CPSF4L: variants seen among roughly 807,000 people sequenced by gnomAD.
The protein encoded by CPSF4L is cleavage and polyadenylation specific factor 4 like.
CPSF4L carries 18 observed loss-of-function variants against 24.0 expected under a neutral mutation model. The observed-to-expected ratio is 0.75, with a 90% CI of 0.52 to 1.11. The LOEUF is 1.11. Among genes scored for constraint, CPSF4L ranks in the 50% least tolerant of loss-of-function variants. CPSF4L has a pLI of 0.00. For synonymous variants in CPSF4L, 72 were observed against 77.2 expected (o/e 0.93, Z 0.35); for missense variants, 211 against 221.8 (o/e 0.95, Z 0.31).
the CPSF4L span, among the ~76,000 whole-genome samples, chr17:73,242,737 G>T: frequency 6.6e-6 from 1 of 152,204 alleles, no homozygotes; most frequent in Non-Finnish European, 1.5e-5. Flanking sequence ...GTCAAGTTAA[G>T]GTTCTTTGAT....
intron 2 of CPSF4L, 23 bp from the exon 3 acceptor site, chr17:73,257,856 C>G: frequency 1.3e-6 from 2 of 1,550,188 alleles, no homozygotes; most frequent in Non-Finnish European, 1.7e-6. Context: ...GAGCACCTGG[C>G]TGGGAGGCCC....
At chr17:73,257,627 C>T in intron 3 of CPSF4L, 54 bp downstream of exon 3, 1 of 1,536,330 alleles carries the variant, frequency 6.5e-7, no homozygotes. Context: ...TCCCATCTCA[C>T]AGCCCACACT....
downstream of CPSF4L, among the ~76,000 whole-genome samples, chr17:73,246,219 T>C (rs2061948498): frequency 6.6e-6 from 1 of 152,192 alleles, no homozygotes; most frequent in Non-Finnish European, 1.5e-5. Context: ...GGTCAGTTCC[T>C]CTTATGTCCC....
At chr17:73,250,319 G>A (rs1599410113) in intron 5 of CPSF4L, 1 of 1,550,438 alleles carries the variant, frequency 6.4e-7, no homozygotes, top group Non-Finnish European at 8.7e-7. Flanking sequence ...AACAGAAAAA[G>A]TGAATGGCAT....
At chr17:73,262,651 A>G (rs1340684107), upstream of CPSF4L, among the ~76,000 whole-genome samples, 1 of 152,214 alleles carries the variant, frequency 6.6e-6, no homozygotes, top group East Asian at 1.9e-4. Flanking sequence ...GGGACATCTG[A>G]CAATGCTTTC....
downstream of CPSF4L, chr17:73,247,259 T>C (rs750409118): frequency 6.2e-7 from 1 of 1,614,228 alleles, no homozygotes; most frequent in Admixed American, 1.7e-5. Flanking sequence ...TGCCGACCCC[T>C]GCCCTGGAAG....
In CPSF4L at chr17:73,252,716, C is replaced by A. The variant is rs1454675148; in HGVS notation, c.411G>T (p.Leu137=). ...TTCTGGGGACATGGCGGTATTTACACAGAGGACCTGCTGAGCAAAGAGAAA... is the reference window on the plus strand; with the variant it reads ...TTCTGGGGACATGGCGGTATTTACAAAGAGGACCTGCTGAGCAAAGAGAAA... The part of the protein sequence containing the change: ...YDQGFCKDGP[L]CKYRHVPRIM... Residue 137 remains leucine (L), a synonymous_variant, in exon 5 of 6, where the codon CTG becomes CTT. Coordinates refer to ENST00000344935, the MANE Select transcript of CPSF4L (RefSeq NM_001129885.1). 1 of 1,549,540 alleles carries A rather than the reference C, an allele frequency of 6.5e-7. No homozygotes were observed. The highest frequency in any genetic ancestry group is 8.7e-7 in the Non-Finnish European group (1 of 1,145,632).
Position 73,257,754 on chromosome 17 carries a change from C to G in CPSF4L, c.234G>C (p.Lys78Asn). The G allele has an allele frequency of 6.4e-7, 1 of 1,551,708 alleles. No homozygotes were observed. The highest frequency in any genetic ancestry group is 8.7e-7 in the Non-Finnish European group (1 of 1,146,996). The change falls in exon 3 of 6, where the codon AAG becomes AAC. Residue 78 changes from lysine (K) to asparagine (N), a missense_variant. By Grantham distance (94) the Lys-to-Asn change is moderately conservative. Transcript: ENST00000344935. ...GGTGCAGGAACTTGCAGTGATCACC[C>G]TTCTTGCAGAGCCCCCGGAGCCAGT... Reference protein sequence around the residue: ...CKHWLRGLCKKGDHCKFLHQY... With the variant: ...CKHWLRGLCKNGDHCKFLHQY...
chr17:73,242,223 G>T, the CPSF4L span: 2 of 1,501,164 alleles, frequency 1.3e-6, no homozygotes, highest in South Asian at 2.4e-5. Flanking sequence ...CAATGACAGT[G>T]ACTTCTGTTT....
At chr17:73,245,381 A>G (rs2061936358), downstream of CPSF4L, 23 of 1,288,634 alleles carry the variant, frequency 1.8e-5, no homozygotes, top group South Asian at 2.4e-5. Flanking sequence ...TAATATAGAC[A>G]GATCTGGTTC....
intron 3 of CPSF4L, among the ~76,000 whole-genome samples, chr17:73,256,480 A>G (rs1347594432): frequency 2.0e-5 from 3 of 152,170 alleles, no homozygotes; most frequent in Admixed American, 2.0e-4. Context: ...CTGCAGCCAC[A>G]TTTGGAAGCC....
At chr17:73,262,042 C>T (rs1240361637), upstream of CPSF4L, 2 of 569,948 alleles carry the variant, frequency 3.5e-6, no homozygotes, top group Non-Finnish European at 6.3e-6. Context: ...ACCCCAGGGC[C>T]CCTCACCCCC....
the CPSF4L span, chr17:73,242,130 C>A: frequency 1.2e-5 from 7 of 586,486 alleles, no homozygotes; most frequent in African/African-American, 1.9e-5. Flanking sequence ...CTTTAATGCA[C>A]CTGTTTAGAA....
In CPSF4L at chr17:73,261,830, T is replaced by C; in HGVS notation, c.-12A>G. 1 of 1,548,024 alleles carries C rather than the reference T, an allele frequency of 6.5e-7. No homozygotes were observed. The highest frequency in any genetic ancestry group is 1.2e-5 in the South Asian group (1 of 84,002). On this transcript the variant is annotated 5_prime_UTR_variant, in exon 1 of 6. Transcript: ENST00000344935. The stretch of plus-strand genomic sequence containing the variant: ...ATGACCTCTTGCATCTTCCGTCTCC[T>C]GCTGGGGCTGCGGAAGCTGCTGGAA...
downstream of CPSF4L, chr17:73,245,726 G>T: frequency 2.0e-6 from 2 of 985,358 alleles, no homozygotes; most frequent in Non-Finnish European, 2.4e-6. Context: ...TCGAGTTGCA[G>T]GTAAGCCTCC....
At chr17:73,251,063 A>C in intron 5 of CPSF4L, 1 of 1,549,838 alleles carries the variant, frequency 6.5e-7, no homozygotes, top group Non-Finnish European at 8.7e-7. Context: ...CTTCCACAGC[A>C]GAAATAGGAG....
intron 5 of CPSF4L, chr17:73,249,076 A>C (rs2061990153): frequency 6.5e-6 from 1 of 152,890 alleles, no homozygotes; most frequent in Non-Finnish European, 1.5e-5. Context: ...TAATTTAGGG[A>C]TAATTATTCC....
chr17:73,260,017 C>A (rs969260816), intron 2 of CPSF4L, among the ~76,000 whole-genome samples: 1 of 152,148 alleles, frequency 6.6e-6, no homozygotes, highest in Non-Finnish European at 1.5e-5. Context: ...TTGAATCAGG[C>A]CTTCCCAGAA....
At chr17:73,251,148 C>T in intron 5 of CPSF4L, 1 of 1,489,546 alleles carries the variant, frequency 6.7e-7, no homozygotes, top group Non-Finnish European at 9.0e-7. Context: ...GCAGATAGTC[C>T]CTGTGTGCAG....
Sources: allele counts gnomAD v4.1 joint callset (sites outside exome capture counted in the v4.1 genomes callset), GRCh38; gene constraint gnomAD v4.1.1; transcripts MANE v1.5; gene names NCBI Gene and HGNC (gene_info 2026-07-23, HGNC 2026-07-21).